Variants in ARMH3 observed in about 807,000 individuals in gnomAD.
ARMH3 encodes the protein armadillo-like helical domain-containing protein 3.
Under a neutral mutation model 99.1 loss-of-function variants are expected in ARMH3, and 60 were observed. The observed-to-expected ratio is 0.61, with a 90% CI of 0.49 to 0.75. The LOEUF (loss-of-function observed/expected upper bound fraction) is 0.75, where lower values mean the gene tolerates loss of function less well. Ranked by LOEUF, ARMH3 falls within the 30% of genes least tolerant of loss-of-function variation. The pLI is 0.00. For synonymous variants in ARMH3, 285 were observed against 292.8 expected (o/e 0.97, Z 0.27); for missense variants, 679 against 843.1 (o/e 0.81, Z 2.41).
At chr10:101,948,137 A>G (rs930465959) in intron 22 of ARMH3, among the ~76,000 whole-genome samples, 1 of 152,208 alleles carries the variant, frequency 6.6e-6, no homozygotes, top group Non-Finnish European at 1.5e-5. Flanking sequence ...AATATGCCAA[A>G]TAAGATACAG....
chr10:101,982,590 C>G (rs1441205934), intron 19 of ARMH3, among the ~76,000 whole-genome samples: 21 of 152,180 alleles, frequency 1.4e-4, no homozygotes, highest in Admixed American at 1.4e-3. Flanking sequence ...GGCAGGTGAG[C>G]AAGGGAAACT....
intron 23 of ARMH3, among the ~76,000 whole-genome samples, chr10:101,925,711 C>G (rs999718740): frequency 6.6e-6 from 1 of 152,056 alleles, no homozygotes; most frequent in African/African-American, 2.4e-5. Flanking sequence ...GAGTTCGAGA[C>G]CAGCCTGGCC....
At chr10:102,003,526 G>C (rs902241421) in intron 14 of ARMH3, among the ~76,000 whole-genome samples, 1 of 152,146 alleles carries the variant, frequency 6.6e-6, no homozygotes, top group Non-Finnish European at 1.5e-5. Context: ...CAGACCTCTT[G>C]TTAAGTGCTT....
chr10:101,982,342 C>T (rs1018599803), intron 19 of ARMH3, among the ~76,000 whole-genome samples: 1 of 151,858 alleles, frequency 6.6e-6, no homozygotes, highest in Non-Finnish European at 1.5e-5. Context: ...GCTGAGATTG[C>T]GCCATTGCAC....
intron 20 of ARMH3, among the ~76,000 whole-genome samples, chr10:101,966,751 A>G (rs1360731247): frequency 6.6e-6 from 1 of 152,146 alleles, no homozygotes; most frequent in Non-Finnish European, 1.5e-5. Context: ...GTAGCAGCAA[A>G]TTGTGTTGCC....
chr10:101,995,228 T>A (rs1847000918), intron 16 of ARMH3, 69 bp downstream of exon 16: 4 of 1,319,468 alleles, frequency 3.0e-6, no homozygotes, highest in African/African-American at 1.5e-5. Flanking sequence ...AGTAATGGGG[T>A]GAGGGGAGGC....
intron 23 of ARMH3, among the ~76,000 whole-genome samples, chr10:101,928,658 G>C (rs1333867903): frequency 2.0e-5 from 3 of 152,132 alleles, no homozygotes; most frequent in Admixed American, 2.0e-4. Flanking sequence ...AAGAGAGAGA[G>C]GCCTTGTCTC....
intron 20 of ARMH3, among the ~76,000 whole-genome samples, chr10:101,972,156 A>T (rs975546720): frequency 1.3e-5 from 2 of 151,522 alleles, no homozygotes; most frequent in African/African-American, 4.9e-5. Flanking sequence ...AATACAGCTG[A>T]CTCCTCCTTG....
intron 24 of ARMH3, among the ~76,000 whole-genome samples, chr10:101,852,310 T>C (rs2066622199): frequency 6.6e-6 from 1 of 152,268 alleles, no homozygotes; most frequent in South Asian, 2.1e-4. Flanking sequence ...CTCTCTCCTC[T>C]TGCCAGGGCA....
chr10:102,036,936 C>T (rs2067291945), intron 2 of ARMH3, among the ~76,000 whole-genome samples: 1 of 150,880 alleles, frequency 6.6e-6, no homozygotes, highest in African/African-American at 2.4e-5. Context: ...CCTATAATCC[C>T]AGCTACTTGG....
intron 24 of ARMH3, among the ~76,000 whole-genome samples, chr10:101,861,057 T>A (rs530023643): frequency 1.3e-5 from 2 of 151,942 alleles, no homozygotes; most frequent in East Asian, 3.9e-4. Context: ...GACCCAGAAA[T>A]GAGGGAGATG....
At chr10:101,971,265 G>A (rs558011010) in intron 20 of ARMH3, among the ~76,000 whole-genome samples, 72 of 152,112 alleles carry the variant, frequency 4.7e-4, no homozygotes, top group African/African-American at 1.4e-3. Context: ...CAGTAGGAGC[G>A]CAGTGTGACT....
intron 23 of ARMH3, among the ~76,000 whole-genome samples, chr10:101,908,516 T>A (rs1842728834): frequency 2.0e-5 from 3 of 152,080 alleles, no homozygotes; most frequent in African/African-American, 7.2e-5. Context: ...CATCCTCCTT[T>A]CTCCAAGTTG....
chr10:101,861,315 A>G (rs79788987), intron 24 of ARMH3, among the ~76,000 whole-genome samples: 2,122 of 152,326 alleles, frequency 0.014, 23 homozygotes, highest in Middle Eastern at 0.037. Flanking sequence ...ACAGGAAAAA[A>G]AATAGTTAAC....
At chr10:101,951,812 G>A (rs1844798804) in intron 22 of ARMH3, among the ~76,000 whole-genome samples, 1 of 150,392 alleles carries the variant, frequency 6.6e-6, no homozygotes, top group South Asian at 2.1e-4. Flanking sequence ...AGGTTGCAGT[G>A]AGCCAAGATT....
At chr10:101,983,266 G>A (rs1846312317) in intron 19 of ARMH3, among the ~76,000 whole-genome samples, 1 of 152,118 alleles carries the variant, frequency 6.6e-6, no homozygotes, top group African/African-American at 2.4e-5. Flanking sequence ...ATTACCAATG[G>A]CCAGTGGTTT....
Position 101,847,499 on chromosome 10 carries a change from A to C in ARMH3, c.*29T>G. On this transcript the variant is annotated 3_prime_UTR_variant, in exon 26 of 26. Transcript: ENST00000370033. ...GCCCATGATCCTCATGGGTAAGGGC[A>C]GTCAGAGGCTGCTCAGGTAGGCGTG... is the stretch of plus-strand genomic sequence containing the variant. 1 of 1,601,618 alleles carries C rather than the reference A, an allele frequency of 6.2e-7. No individual in the cohort carries two copies. Among genetic ancestry groups the C allele is most frequent in the African/African-American group, 1.3e-5 (1 of 74,766 alleles).
At chr10:101,935,916 T>A (rs1360886999) in intron 23 of ARMH3, among the ~76,000 whole-genome samples, 1 of 152,110 alleles carries the variant, frequency 6.6e-6, no homozygotes, top group East Asian at 1.9e-4. Context: ...TAACCACAGG[T>A]CAGATTTTCT....
At chr10:101,990,284 C>T (rs557080917) in intron 19 of ARMH3, among the ~76,000 whole-genome samples, 4 of 151,462 alleles carry the variant, frequency 2.6e-5, no homozygotes, top group South Asian at 2.1e-4. Context: ...CCTGGGTTCA[C>T]GCCATACTCC....
Sources: allele counts gnomAD v4.1 joint callset (sites outside exome capture counted in the v4.1 genomes callset), GRCh38; gene constraint gnomAD v4.1.1; transcripts MANE v1.5; gene names NCBI Gene and HGNC (gene_info 2026-07-23, HGNC 2026-07-21).